MANEAL: variants seen among roughly 807,000 people sequenced by gnomAD.
MANEAL encodes mannosidase endo-alpha like, also known as glycoprotein endo-alpha-1,2-mannosidase-like protein.
A neutral mutation model predicts 35.9 loss-of-function variants in MANEAL; 28 were observed. The ratio of observed to expected loss-of-function variants is 0.78; its 90% CI spans 0.58 to 1.07. The LOEUF (loss-of-function observed/expected upper bound fraction) is 1.07. Among genes scored for constraint, MANEAL ranks in the 50% least tolerant of loss-of-function variants. MANEAL has a pLI of 0.00. For synonymous variants in MANEAL, 286 were observed against 272.2 expected (o/e 1.05, Z -0.50); for missense variants, 576 against 629.6 (o/e 0.91, Z 0.91).
chr1:37,795,915 G>T, intron 2 of MANEAL, 69 bp downstream of exon 2: 1 of 1,395,786 alleles, frequency 7.2e-7, no homozygotes, highest in Admixed American at 1.7e-5. Flanking sequence ...CCGCCCACAG[G>T]GTTAGTGCCT....
Position 37,794,188 on chromosome 1 carries a change from C to CCGG in MANEAL, c.15_17dup (p.Arg7dup). The CCGG allele has an allele frequency of 1.6e-6, 2 of 1,274,952 alleles. No individual in the cohort carries two copies. The highest frequency in any genetic ancestry group is 4.3e-5 in the East Asian group (1 of 23,336). The allele number at this position is 1,274,952 out of a possible 1,614,324, so 79.0% of individuals were successfully genotyped here. ...GCAGGAGCGCACAGTCGGCCATGGC[C>CCGG]CGGCGGCGGCGCCGCGCCTGCATCG... is the stretch of plus-strand genomic sequence containing the variant. On this transcript the variant is annotated inframe_insertion, in exon 1 of 4. Coordinates refer to ENST00000373045, the MANE Select transcript of MANEAL (RefSeq NM_001113482.2). The surrounding 1 kb of genome is among the most constrained non-coding windows in gnomAD (Gnocchi z 5.7).
Position 37,799,750 on chromosome 1 carries a change from G to C in MANEAL, c.921G>C (p.Glu307Asp), listed in dbSNP as rs147748505. Reference protein sequence around the residue: ...YDGVFIALLVEEGHTHDILAA... With the variant: ...YDGVFIALLVDEGHTHDILAA... ...GGGTCTTCATAGCGCTGCTGGTGGA[G>C]GAGGGCCACACCCACGATATCCTGG... Residue 307 changes from glutamate (E) to aspartate (D), a missense_variant, in exon 4 of 4, where the codon GAG (glutamate) becomes GAC (aspartate). Transcript: ENST00000373045. This position sits in a 1 kb window ranked among gnomAD's most constrained non-coding sequence, Gnocchi z 4.1. The C allele has an allele frequency of 5.6e-6, 9 of 1,614,106 alleles. No individual in the cohort carries two copies. In the African/African-American group the frequency reaches 8.0e-5, roughly 14 times the overall value.
chr1:37,796,836 G>A lies in MANEAL; in HGVS notation c.737+16G>A. On this transcript the variant is annotated intron_variant, in intron 3 of 3. Coordinates refer to ENST00000373045, the MANE Select transcript of MANEAL (RefSeq NM_001113482.2). The stretch of plus-strand genomic sequence containing the variant: ...TCATTGACACGTAAGGCTGCTCTGG[G>A]GGCCGGGATTTTGGTGGGGATCAAA... 3.1e-6 allele frequency: 5 copies of A among 1,603,036 alleles called. No individual in the cohort carries two copies. In the South Asian group the frequency reaches 5.6e-5, roughly 18 times the overall value.
At position 37,799,573 on chromosome 1, in the gene MANEAL, C is replaced by T. The variant is rs1390963661; in HGVS notation, c.744C>T (p.Gly248=). 6.2e-7 allele frequency: 1 copy of T among 1,612,862 alleles called. No individual in the cohort carries two copies. The highest frequency in any genetic ancestry group is 8.5e-7 in the Non-Finnish European group (1 of 1,179,148). ...TCTTCTTTCTCCTTCTCAGGTATGG[C>T]TCCCATGGTGCATTTTACCGCTATA... ...DNIKYIIDTY[G]SHGAFYRYKN... The change falls in exon 4 of 4, where the codon GGC becomes GGT. Residue 248 remains glycine, a synonymous_variant. Transcript: ENST00000373045. The surrounding 1 kb of genome is among the most constrained non-coding windows in gnomAD (Gnocchi z 4.1).
chr1:37,795,600 C>T (rs1331118163), intron 1 of MANEAL, 137 bp from the exon 2 acceptor site: 2 of 1,497,274 alleles, frequency 1.3e-6, no homozygotes, highest in African/African-American at 2.8e-5. Flanking sequence ...GACTCATCTG[C>T]AGGAAGTGAA....
intron 3 of MANEAL, among the ~76,000 whole-genome samples, chr1:37,797,855 G>T (rs551001466): frequency 6.6e-6 from 1 of 152,090 alleles, no homozygotes; most frequent in Admixed American, 6.6e-5. Flanking sequence ...ACCTCCCAAA[G>T]TGTTGGGATT....
rs1646674168 is a variant in MANEAL at position 37,799,409 on chromosome 1, A to G, written c.738-158A>G. On this transcript the variant is annotated intron_variant, in intron 3 of 3. Coordinates refer to ENST00000373045, the MANE Select transcript of MANEAL (RefSeq NM_001113482.2). The surrounding 1 kb of genome is among the most constrained non-coding windows in gnomAD (Gnocchi z 4.1). The stretch of plus-strand genomic sequence containing the variant: ...GGAATGACAACTGGAGAGAGGAAGG[A>G]GGGAACCAGGTTCTTGCTTAGAGGC... Among the ~76,000 whole-genome samples the G allele has an allele frequency of 6.6e-6, 1 of 152,130 alleles. No individual in the cohort carries two copies. Among genetic ancestry groups the G allele is most frequent in the Non-Finnish European group, 1.5e-5 (1 of 68,014 alleles).
chr1:37,794,270 A>G lies in MANEAL; in HGVS notation c.88A>G (p.Lys30Glu). ...CACCCTCATGGGTCTGCGCACGCTC[A>G]AGGCTCCGGACGGACTCCCGGCGCT... ...FGTLMGLRTL[K>E]APDGLPALGP... The change falls in exon 1 of 4, where the codon AAG becomes GAG. Residue 30 changes from lysine to glutamate, a missense_variant. By Grantham distance (56) the Lys-to-Glu change is moderately conservative. Coordinates refer to ENST00000373045, the MANE Select transcript of MANEAL (RefSeq NM_001113482.2). The surrounding 1 kb of genome is among the most constrained non-coding windows in gnomAD (Gnocchi z 5.7). 1.6e-6 allele frequency: 2 copies of G among 1,287,552 alleles called. No homozygotes were observed. Among genetic ancestry groups the G allele is most frequent in the Non-Finnish European group, 2.0e-6 (2 of 1,001,914 alleles). 79.8% of individuals were successfully genotyped at this position (1,287,552 alleles called of 1,614,324 possible).
rs1322671193 is a variant in MANEAL, at chr1:37,794,391, C to T, written c.209C>T (p.Pro70Leu). The T allele has an allele frequency of 1.8e-6, 2 of 1,097,924 alleles. No individual in the cohort carries two copies. Among genetic ancestry groups the T allele is most frequent in the African/African-American group, 1.7e-5 (1 of 59,520 alleles). 68.0% of individuals were successfully genotyped at this position (1,097,924 alleles called of 1,614,324 possible). ...CCGGCAGCCCCTGCCGCGCCGCCCC[C>T]GCCGCCGCCGCCGCCCCGCACCGCG... ...RAPAAPAAPPPPPPPPRTADP... is the reference protein window; with the variant it reads ...RAPAAPAAPPLPPPPPRTADP... The change falls in exon 1 of 4, where the codon CCG becomes CTG. Residue 70 changes from proline (P) to leucine (L), a missense_variant. Physicochemically the swap from Pro to Leu is moderately conservative, Grantham distance 98. Around this residue, in one of 3 missense-constraint regions of MANEAL, gnomAD observed 122 missense variants for 97.2 expected, o/e 1.26. Transcript: ENST00000373045. This position sits in a 1 kb window ranked among gnomAD's most constrained non-coding sequence, Gnocchi z 5.7.
intron 3 of MANEAL, among the ~76,000 whole-genome samples, chr1:37,798,134 G>A (rs375392848): frequency 6.6e-6 from 1 of 151,226 alleles, no homozygotes; most frequent in Admixed American, 6.6e-5. Context: ...TGAGAACAGA[G>A]CAAGATTCTG....
rs1298386007 is a variant in MANEAL, at chr1:37,794,046, G to A, written c.-137G>A. The A allele has an allele frequency of 2.4e-6, 1 of 414,338 alleles. No homozygotes were observed. Among genetic ancestry groups the A allele is most frequent in the Non-Finnish European group, 3.3e-6 (1 of 300,588 alleles). 25.7% of individuals were successfully genotyped at this position (414,338 alleles called of 1,614,324 possible). On this transcript the variant is annotated 5_prime_UTR_variant, in exon 1 of 4. Transcript: ENST00000373045. The surrounding 1 kb of genome is among the most constrained non-coding windows in gnomAD (Gnocchi z 5.7). ...CCTGTGTGCCGAGCCCGCCCGCACT[G>A]CGGGGACAGGCCGGGCGCCGCCCAC...
In MANEAL at chr1:37,794,188, C is replaced by T. The variant is rs1557571959; in HGVS notation, c.6C>T (p.Ala2=). The T allele has an allele frequency of 2.1e-5, 27 of 1,274,952 alleles. No individual in the cohort carries two copies. Among genetic ancestry groups the T allele is most frequent in the Non-Finnish European group, 2.7e-5 (27 of 993,724 alleles). The allele number at this position is 1,274,952 out of a possible 1,614,324, so 79.0% of individuals were successfully genotyped here. Residue 2 remains alanine, a synonymous_variant, in exon 1 of 4, where the codon GCC becomes GCT. Transcript: ENST00000373045. This position sits in a 1 kb window ranked among gnomAD's most constrained non-coding sequence, Gnocchi z 5.7. M[A]RRRRRACIAL... ...GCAGGAGCGCACAGTCGGCCATGGC[C>T]CGGCGGCGGCGCCGCGCCTGCATCG...
chr1:37,798,401 G>A (rs1646664387), intron 3 of MANEAL, among the ~76,000 whole-genome samples: 1 of 152,194 alleles, frequency 6.6e-6, no homozygotes, highest in African/African-American at 2.4e-5. Context: ...CAGGTCAGGT[G>A]AGTCTGAGGA....
rs774843400 is a variant in MANEAL, at chr1:37,799,525, G to C, written c.738-42G>C. ...CCACGGGAGGTCCTACAGCTGTGCTGGTCTCTCCCATCCAGCTGAGGCTCT... is the reference window on the plus strand; with the variant it reads ...CCACGGGAGGTCCTACAGCTGTGCTCGTCTCTCCCATCCAGCTGAGGCTCT... On this transcript the variant is annotated intron_variant, in intron 3 of 3. Coordinates refer to ENST00000373045, the MANE Select transcript of MANEAL (RefSeq NM_001113482.2). The surrounding 1 kb of genome is among the most constrained non-coding windows in gnomAD (Gnocchi z 4.1). The C allele has an allele frequency of 2.0e-5, 31 of 1,587,434 alleles. No homozygotes were observed. In the Admixed American group the frequency reaches 4.0e-4, roughly 20 times the overall value.
Position 37,794,986 on chromosome 1 carries a change from G to T in MANEAL, c.550+254G>T, listed in dbSNP as rs1646633047. On this transcript the variant is annotated intron_variant, in intron 1 of 3. Coordinates refer to ENST00000373045, the MANE Select transcript of MANEAL (RefSeq NM_001113482.2). The surrounding 1 kb of genome is among the most constrained non-coding windows in gnomAD (Gnocchi z 5.7). ...CCTTCCCATAGGGCGGAACTGCTAG[G>T]AGTTTGCACCAGGAGAGGGAGGCAG... Among the ~76,000 whole-genome samples, 1 of 152,208 alleles carries T rather than the reference G, an allele frequency of 6.6e-6. No homozygotes were observed. The highest frequency in any genetic ancestry group is 3.2e-3 in the Middle Eastern group (1 of 316).
At chr1:37,795,360 G>A (rs1032124140) in intron 1 of MANEAL, 6 of 366,440 alleles carry the variant, frequency 1.6e-5, no homozygotes, top group African/African-American at 1.1e-4. Flanking sequence ...GATGGCCTCT[G>A]CTCAGGGCTC....
Position 37,796,767 on chromosome 1 carries a change from C to T in MANEAL, c.684C>T (p.Tyr228=). The change falls in exon 3 of 4, where the codon TAC becomes TAT. Residue 228 remains tyrosine, a synonymous_variant. Coordinates refer to ENST00000373045, the MANE Select transcript of MANEAL (RefSeq NM_001113482.2). ...AGGTGGCCTTCCACATCCAACCCTA[C>T]AAGGGCCGGGATGACATCACTGTAC... ...SIQVAFHIQP[Y]KGRDDITVHD... 6.2e-7 allele frequency: 1 copy of T among 1,605,148 alleles called. No homozygotes were observed. Among genetic ancestry groups the T allele is most frequent in the Non-Finnish European group, 8.5e-7 (1 of 1,176,024 alleles).
rs887442203 is a variant in MANEAL, at chr1:37,794,922, A to AC, written c.550+196dup. On this transcript the variant is annotated intron_variant, in intron 1 of 3. Coordinates refer to ENST00000373045, the MANE Select transcript of MANEAL (RefSeq NM_001113482.2). This position sits in a 1 kb window ranked among gnomAD's most constrained non-coding sequence, Gnocchi z 5.7. The stretch of plus-strand genomic sequence containing the variant: ...CACCGCCCCTCCGTCTAGTATTCAG[A>AC]CCCCCCAGCTGGGCCCTTCCATCCC... Among the ~76,000 whole-genome samples, 1 of 150,846 alleles carries AC rather than the reference A, an allele frequency of 6.6e-6. No homozygotes were observed. Among genetic ancestry groups the AC allele is most frequent in the Non-Finnish European group, 1.5e-5 (1 of 67,760 alleles).
intron 1 of MANEAL, 97 bp from the exon 2 acceptor site, chr1:37,795,640 G>A (rs2148384377): frequency 6.3e-7 from 1 of 1,581,656 alleles, no homozygotes. Flanking sequence ...CAGGTTTTTA[G>A]GAACCATTTT....
Sources: gnomAD v4.1 joint callset for allele counts (sites outside exome capture counted in the v4.1 genomes callset) on GRCh38, gnomAD v4.1.1 for gene constraint, gnomAD v4.1.1 regional missense constraint, Gnocchi (gnomAD v3.1) non-coding constraint, MANE v1.5 for transcripts, NCBI Gene and HGNC (gene_info 2026-07-23, HGNC 2026-07-21) for gene names.